The following PALLD variants were observed in gnomAD, a reference collection of about 807,000 sequenced individuals.
The protein encoded by PALLD is palladin, cytoskeletal associated protein.
Under a neutral mutation model 123.5 loss-of-function variants are expected in PALLD, and 61 were observed. The ratio of observed to expected loss-of-function variants is 0.49; its 90% confidence interval spans 0.40 to 0.61. The LOEUF (loss-of-function observed/expected upper bound fraction) is 0.61, where lower values mean the gene tolerates loss of function less well. PALLD is among the 20% of genes least tolerant of loss of function. PALLD has a pLI of 0.00. For synonymous variants in PALLD, 465 were observed against 496.4 expected (o/e 0.94, Z 0.84); for missense variants, 1,273 against 1,377.0 (o/e 0.92, Z 1.20).
chr4:168,901,951 TTGG>T lies in PALLD; in HGVS notation c.2473-1803_2473-1801del, dbSNP rs1211441525. On this transcript the variant is annotated intron_variant, in intron 14 of 21. Coordinates refer to ENST00000505667, the MANE Select transcript of PALLD (RefSeq NM_001166108.2). ...TTACAACTCAAAGTTATTAGTCTAG[TTGG>T]TGATTACTTTTTAGATTCTAGAGTT... 9.3e-4 allele frequency among the ~76,000 whole-genome samples: 141 copies of T among 152,350 alleles called. 1 individual carries two copies. Among genetic ancestry groups the T allele is most frequent in the African/African-American group, 3.3e-3 (136 of 41,576 alleles).
chr4:168,853,724 G>A (rs116072158), intron 10 of PALLD, among the ~76,000 whole-genome samples: 94 of 152,290 alleles, frequency 6.2e-4, no homozygotes, highest in African/African-American at 2.1e-3. Flanking sequence ...GGTGGGCCAG[G>A]TGAAGGAATT....
At chr4:168,864,266 ATATCT>A (rs797019511) in intron 10 of PALLD, 2 of 152,326 alleles carry the variant, frequency 1.3e-5, no homozygotes, top group African/African-American at 2.4e-5. Context: ...GATTTTGAAC[ATATCT>A]TTTCTTTGTT....
chr4:168,778,095 A>G (rs1234855700), intron 10 of PALLD, among the ~76,000 whole-genome samples: 3 of 152,238 alleles, frequency 2.0e-5, no homozygotes, highest in African/African-American at 7.2e-5. Flanking sequence ...AAAGGAAAAA[A>G]GGGGTAGGAG....
At chr4:168,719,376 G>T (rs1464002815) in intron 10 of PALLD, among the ~76,000 whole-genome samples, 2 of 144,314 alleles carry the variant, frequency 1.4e-5, no homozygotes, top group Non-Finnish European at 3.0e-5. Context: ...TCCTGCCTCA[G>T]CCTCCCAAGT....
At chr4:168,630,315 T>C (rs1295044150) in intron 2 of PALLD, among the ~76,000 whole-genome samples, 2 of 152,014 alleles carry the variant, frequency 1.3e-5, no homozygotes, top group Non-Finnish European at 2.9e-5. Context: ...AAAAAATAAA[T>C]AAAAAGATCT....
chr4:168,701,575 C>T (rs892504413), intron 8 of PALLD, among the ~76,000 whole-genome samples: 1 of 152,196 alleles, frequency 6.6e-6, no homozygotes, highest in African/African-American at 2.4e-5. Flanking sequence ...CGATCTAAAA[C>T]CACTTTATAT....
intron 10 of PALLD, among the ~76,000 whole-genome samples, chr4:168,807,507 T>A (rs1740398638): frequency 6.6e-6 from 1 of 152,046 alleles, no homozygotes. Flanking sequence ...CCTCGTGGGT[T>A]CGTGCGATTC....
intron 10 of PALLD, among the ~76,000 whole-genome samples, chr4:168,889,026 T>C (rs1231467380): frequency 6.6e-6 from 1 of 152,138 alleles, no homozygotes; most frequent in East Asian, 1.9e-4. Context: ...GTGAACCCAG[T>C]GTTTAGGTAC....
intron 17 of PALLD, among the ~76,000 whole-genome samples, chr4:168,919,485 C>T (rs1484912972): frequency 2.7e-5 from 4 of 150,754 alleles, no homozygotes; most frequent in Non-Finnish European, 4.4e-5. Context: ...AGATTGTGCC[C>T]ACTGCACTCC....
rs1309777275 is a variant in PALLD at position 168,810,655 on chromosome 4, AAAG to A, written c.1965-80263_1965-80261del. Among the ~76,000 whole-genome samples the A allele has an allele frequency of 2.0e-5, 3 of 148,774 alleles. No homozygotes were observed. The South Asian group carries it at 6.5e-4, about 32-fold the overall frequency. ...CAAAACTCTGTCTCAAAAAAAAAAA[AAAG>A]AAGGCCGGGCGTGGTGGCTCACGCC... On this transcript the variant is annotated intron_variant, in intron 10 of 21. Transcript: ENST00000505667.
intron 2 of PALLD, among the ~76,000 whole-genome samples, chr4:168,546,604 C>T (rs1199406692): frequency 6.6e-6 from 1 of 152,076 alleles, no homozygotes; most frequent in Non-Finnish European, 1.5e-5. Context: ...TCATAGACAT[C>T]CTGCAGGTCT....
intron 10 of PALLD, among the ~76,000 whole-genome samples, chr4:168,737,976 G>A (rs1303583204): frequency 6.6e-6 from 1 of 152,212 alleles, no homozygotes; most frequent in East Asian, 1.9e-4. Flanking sequence ...TTTCTAGACT[G>A]TGAAGTCCCC....
chr4:168,894,443 T>C, intron 11 of PALLD, 136 bp from the exon 12 acceptor site: 2 of 696,058 alleles, frequency 2.9e-6, no homozygotes, highest in Admixed American at 2.1e-5. Context: ...AAAAGAAATA[T>C]GCAGGTATCT....
intron 10 of PALLD, among the ~76,000 whole-genome samples, chr4:168,713,529 C>T (rs564766195): frequency 2.0e-5 from 3 of 152,138 alleles, no homozygotes; most frequent in Non-Finnish European, 4.4e-5. Flanking sequence ...AGAGCAAATA[C>T]GAGGAGCTGT....
intron 2 of PALLD, among the ~76,000 whole-genome samples, chr4:168,610,682 G>A (rs1370894778): frequency 6.6e-6 from 1 of 150,468 alleles, no homozygotes; most frequent in Non-Finnish European, 1.5e-5. Context: ...TTCGGGGCCA[G>A]CACTTTTACA....
intron 10 of PALLD, among the ~76,000 whole-genome samples, chr4:168,854,672 C>A (rs527345299): frequency 6.6e-6 from 1 of 152,306 alleles, no homozygotes; most frequent in African/African-American, 2.4e-5. Flanking sequence ...TGCCTCTGTA[C>A]AGGTCAAATC....
At chr4:168,729,995 AC>A (rs1786999242) in intron 10 of PALLD, among the ~76,000 whole-genome samples, 1 of 152,196 alleles carries the variant, frequency 6.6e-6, no homozygotes, top group Non-Finnish European at 1.5e-5. Flanking sequence ...CACCCCTAGT[AC>A]TTTGAAATGT....
intron 2 of PALLD, among the ~76,000 whole-genome samples, chr4:168,665,968 C>T (rs183355090): frequency 1.7e-5 from 2 of 117,058 alleles, no homozygotes; most frequent in East Asian, 2.2e-4. Flanking sequence ...TTATGTTCCC[C>T]GCCCCCCACC....
At chr4:168,634,555 C>G (rs1187934599) in intron 2 of PALLD, among the ~76,000 whole-genome samples, 1 of 152,186 alleles carries the variant, frequency 6.6e-6, no homozygotes, top group East Asian at 1.9e-4. Context: ...CAGCGCAGAA[C>G]CTTTTCAAAG....
Sources: allele counts gnomAD v4.1 joint callset (sites outside exome capture counted in the v4.1 genomes callset), GRCh38; gene constraint gnomAD v4.1.1; transcripts MANE v1.5; gene names NCBI Gene and HGNC (gene_info 2026-07-23, HGNC 2026-07-21).